DOCK4: variants seen among roughly 807,000 people sequenced by gnomAD.
DOCK4 encodes dedicator of cytokinesis protein 4.
Under a neutral mutation model 268.1 loss-of-function variants are expected in DOCK4, and 97 were observed. The observed-to-expected ratio is 0.36, with a 90% CI of 0.31 to 0.43. The LOEUF is 0.43. Ranked by LOEUF, DOCK4 falls within the 20% of genes least tolerant of loss-of-function variation. The probability of loss-of-function intolerance (pLI) is 1.00; values close to 1 mark genes in which losing one functional copy is unlikely to be tolerated. For missense variants in DOCK4, 2,145 were observed against 2,455.7 expected (o/e 0.87, Z 2.67); for synonymous variants, 954 against 887.2 (o/e 1.08, Z -1.34).
Position 112,164,600 on chromosome 7 carries a change from C to T in DOCK4, c.37+41502G>A, listed in dbSNP as rs148526369. On this transcript the variant is annotated intron_variant, in intron 1 of 52. Coordinates refer to ENST00000428084, the MANE Select transcript of DOCK4 (RefSeq NM_001363540.2). ...TTTGTGTTCTATCTAAAATTCAACA[C>T]ATGGAAAAGTCTCTCATCTCTCCAA... Among the ~76,000 whole-genome samples the T allele has an allele frequency of 5.7e-3, 861 of 152,294 alleles. 10 individuals carry two copies. Among genetic ancestry groups the T allele is most frequent in the African/African-American group, 0.018 (759 of 41,560 alleles).
chr7:111,947,744 G>C (rs567177034), intron 8 of DOCK4, among the ~76,000 whole-genome samples: 2 of 151,954 alleles, frequency 1.3e-5, no homozygotes, highest in East Asian at 1.9e-4. Flanking sequence ...TTTGGGTCGG[G>C]GGGAGGTCTC....
Position 111,788,713 on chromosome 7 carries a change from A to T in DOCK4, c.3350T>A (p.Leu1117Gln). The change falls in exon 32 of 53, where the codon CTG becomes CAG. Residue 1117 changes from leucine to glutamine, a missense_variant. By Grantham distance (113) the Leu-to-Gln change is moderately radical (BLOSUM62 -2). Coordinates refer to ENST00000428084, the MANE Select transcript of DOCK4 (RefSeq NM_001363540.2). ...TTCGTCACCTTTGCCTTCTGACATC[A>T]GGCTATCCAGTTTGTCAATTAGCTT... ...EAKLIDKLDS[L>Q]MSEGKGDETY... 6.3e-7 allele frequency: 1 copy of T among 1,593,510 alleles called. No individual in the cohort carries two copies. Among genetic ancestry groups the T allele is most frequent in the Non-Finnish European group, 8.6e-7 (1 of 1,168,708 alleles).
intron 23 of DOCK4, among the ~76,000 whole-genome samples, chr7:111,850,089 A>C (rs1249646297): frequency 1.3e-5 from 2 of 152,106 alleles, no homozygotes; most frequent in African/African-American, 2.4e-5. Flanking sequence ...ACGTTAAAAA[A>C]ATTTCTTTTT....
chr7:111,728,436 G>C lies in DOCK4; in HGVS notation c.5766C>G (p.Pro1922=), dbSNP rs568307094. The part of the protein sequence containing the change: ...YSVYERTLRR[P]VPLPHSLSIP... Reference sequence around the variant, plus strand: ...TGGAGAGGCTGTGAGGTAGCGGGACGGGGCGCCGCAGAGTCCGCTCGTAGA... The same window carrying C: ...TGGAGAGGCTGTGAGGTAGCGGGACCGGGCGCCGCAGAGTCCGCTCGTAGA... Residue 1922 remains proline (P), a synonymous_variant, in exon 53 of 53, where the codon CCC becomes CCG. Coordinates refer to ENST00000428084, the MANE Select transcript of DOCK4 (RefSeq NM_001363540.2). 1.6e-5 allele frequency: 25 copies of C among 1,593,114 alleles called. No homozygotes were observed. The highest frequency in any genetic ancestry group is 1.0e-4 in the South Asian group (9 of 88,094).
rs377586020 is a variant in DOCK4, at chr7:111,767,064, A to G, written c.3883T>C (p.Tyr1295His). ...CRKIAEQYESYYDYRNLSKMR... is the reference protein window; with the variant it reads ...CRKIAEQYESHYDYRNLSKMR... Reference sequence around the variant, plus strand: ...TTGCTCAGGTTTCTGTAGTCATAATAACTCTCATACTGCTCTGCAATCTTC... The same window carrying G: ...TTGCTCAGGTTTCTGTAGTCATAATGACTCTCATACTGCTCTGCAATCTTC... Residue 1295 changes from tyrosine (Y) to histidine (H), a missense_variant, in exon 38 of 53, where the codon TAT becomes CAT. Coordinates refer to ENST00000428084, the MANE Select transcript of DOCK4 (RefSeq NM_001363540.2). The G allele has an allele frequency of 3.1e-6, 5 of 1,613,744 alleles. No individual in the cohort carries two copies. Among genetic ancestry groups the G allele is most frequent in the Non-Finnish European group, 4.2e-6 (5 of 1,179,776 alleles).
At chr7:112,143,088 G>A (rs1211526287) in intron 1 of DOCK4, among the ~76,000 whole-genome samples, 1 of 151,862 alleles carries the variant, frequency 6.6e-6, no homozygotes, top group African/African-American at 2.4e-5. Flanking sequence ...AGTTAGGTAA[G>A]GGACTCTTTC....
chr7:111,800,330 TTAA>T (rs1291820868), intron 30 of DOCK4, among the ~76,000 whole-genome samples: 5 of 152,032 alleles, frequency 3.3e-5, no homozygotes, highest in Non-Finnish European at 7.4e-5. Context: ...TATAAAAAAA[TTAA>T]TAAATTGTCA....
intron 16 of DOCK4, among the ~76,000 whole-genome samples, chr7:111,881,460 C>T (rs1807382307): frequency 6.6e-6 from 1 of 152,178 alleles, no homozygotes; most frequent in South Asian, 2.1e-4. Flanking sequence ...AGGGAACCCT[C>T]ATACACTTTT....
intron 1 of DOCK4, among the ~76,000 whole-genome samples, chr7:112,065,641 T>C (rs1336597671): frequency 1.3e-5 from 2 of 150,968 alleles, no homozygotes; most frequent in Non-Finnish European, 2.9e-5. Context: ...TCTGGTTCAA[T>C]TGGCCTAGGA....
chr7:111,735,165 C>T lies in DOCK4; in HGVS notation c.5308G>A (p.Val1770Met). 1 of 1,578,426 alleles carries T rather than the reference C, an allele frequency of 6.3e-7. No individual in the cohort carries two copies. The highest frequency in any genetic ancestry group is 8.6e-7 in the Non-Finnish European group (1 of 1,161,092). The change falls in exon 51 of 53, where the codon GTG becomes ATG. Residue 1770 changes from valine (V) to methionine (M), a missense_variant and splice_region_variant. Physicochemically the swap from Val to Met is conservative, Grantham distance 21. Around this residue, in one of 2 missense-constraint regions of DOCK4, gnomAD observed 547 missense variants for 469.0 expected, o/e 1.17. Transcript: ENST00000428084. ...CTCCAGCTGCTAGGGGTGGGGTTCACAGCTGGAAGGGAATAACACAGCTAA... is the reference window on the plus strand; with the variant it reads ...CTCCAGCTGCTAGGGGTGGGGTTCATAGCTGGAAGGGAATAACACAGCTAA... Reference protein sequence around the residue: ...DPNLSAPEKAVNPTPSSWSLD... With the variant: ...DPNLSAPEKAMNPTPSSWSLD...
intron 1 of DOCK4, among the ~76,000 whole-genome samples, chr7:112,155,245 T>A (rs1195067437): frequency 6.6e-6 from 1 of 152,136 alleles, no homozygotes; most frequent in Non-Finnish European, 1.5e-5. Context: ...TAGGTAAAAA[T>A]TTGTTTCATG....
intron 5 of DOCK4, among the ~76,000 whole-genome samples, chr7:111,993,898 T>G (rs1461782768): frequency 6.6e-6 from 1 of 152,220 alleles, no homozygotes; most frequent in Non-Finnish European, 1.5e-5. Context: ...ACCATCCTAT[T>G]TGGTTAGATG....
chr7:111,767,225 ATCT>A, intron 37 of DOCK4, 107 bp from the exon 38 acceptor site: 1 of 779,218 alleles, frequency 1.3e-6, no homozygotes, highest in Non-Finnish European at 2.0e-6. Context: ...TTACTCCTTA[ATCT>A]TTTTTTTTTT....
chr7:112,195,237 C>A (rs1217664509), intron 1 of DOCK4, among the ~76,000 whole-genome samples: 1 of 152,136 alleles, frequency 6.6e-6, no homozygotes, highest in East Asian at 1.9e-4. Context: ...CAAAATTGTG[C>A]CACTGCACTC....
At chr7:111,875,968 C>T (rs1586240561) in intron 17 of DOCK4, among the ~76,000 whole-genome samples, 1 of 152,118 alleles carries the variant, frequency 6.6e-6, no homozygotes, top group African/African-American at 2.4e-5. Context: ...CCCACACACA[C>T]CTAATCCACA....
chr7:112,192,061 G>A (rs1434623195), intron 1 of DOCK4, among the ~76,000 whole-genome samples: 1 of 146,942 alleles, frequency 6.8e-6, no homozygotes, highest in African/African-American at 2.5e-5. Context: ...CAGTGTTTGT[G>A]CTTGTGTGTG....
intron 1 of DOCK4, among the ~76,000 whole-genome samples, chr7:112,016,579 C>T (rs1031534419): frequency 1.3e-5 from 2 of 152,160 alleles, no homozygotes; most frequent in African/African-American, 4.8e-5. Context: ...TTTTGCCTTG[C>T]AACCTTAGCC....
At chr7:112,128,084 AG>A (rs1813406791) in intron 1 of DOCK4, among the ~76,000 whole-genome samples, 1 of 152,228 alleles carries the variant, frequency 6.6e-6, no homozygotes, top group Non-Finnish European at 1.5e-5. Flanking sequence ...AACAACATTC[AG>A]TTAGACAAAC....
intron 44 of DOCK4, among the ~76,000 whole-genome samples, chr7:111,744,839 T>A (rs771644272): frequency 2.0e-5 from 3 of 152,218 alleles, no homozygotes; most frequent in Non-Finnish European, 4.4e-5. Context: ...CTCTCTTCTG[T>A]GGCCACCTCT....
Sources: gnomAD v4.1 joint callset for allele counts (sites outside exome capture counted in the v4.1 genomes callset) on GRCh38, gnomAD v4.1.1 for gene constraint, gnomAD v4.1.1 regional missense constraint, MANE v1.5 for transcripts, NCBI Gene and HGNC (gene_info 2026-07-23, HGNC 2026-07-21) for gene names.